The following RYR2 variants were observed in gnomAD, a reference collection of about 807,000 sequenced individuals.
The protein encoded by RYR2 is cardiac muscle ryanodine receptor-calcium release channel.
Under a neutral mutation model 601.1 loss-of-function variants are expected in RYR2, and 227 were observed. The ratio of observed to expected loss-of-function variants is 0.38; its 90% CI spans 0.34 to 0.42. The LOEUF is 0.42. Among genes scored for constraint, RYR2 ranks in the 10% least tolerant of loss-of-function variants. RYR2 has a pLI of 1.00. For synonymous variants in RYR2, 2,223 were observed against 2,175.1 expected (o/e 1.02, Z -0.61); for missense variants, 4,646 against 6,156.5 (o/e 0.75, Z 8.21).
chr1:237,141,667 G>A (rs535280855), intron 1 of RYR2, among the ~76,000 whole-genome samples: 7 of 152,214 alleles, frequency 4.6e-5, no homozygotes, highest in Non-Finnish European at 8.8e-5. Flanking sequence ...GACCTTCTGG[G>A]CGGCAGCGGG....
intron 17 of RYR2, among the ~76,000 whole-genome samples, chr1:237,487,688 G>A (rs989123691): frequency 8.6e-5 from 13 of 151,254 alleles, no homozygotes; most frequent in African/African-American, 2.4e-4. Context: ...AGCTATAATC[G>A]TGCCAATGCT....
At chr1:237,449,023 C>T (rs1345616205) in intron 14 of RYR2, among the ~76,000 whole-genome samples, 2 of 152,048 alleles carry the variant, frequency 1.3e-5, no homozygotes, top group Non-Finnish European at 2.9e-5. Flanking sequence ...GTTTTATATT[C>T]GTCCCACCTA....
rs1386022364 is a variant in RYR2 at position 237,694,284 on chromosome 1, A to G, written c.9068-4681A>G. On this transcript the variant is annotated intron_variant, in intron 63 of 104. Transcript: ENST00000366574. ...ACTCCAGCCTGGGCGACACGGCGAG[A>G]CTCCCTCTCAAAAAAAAAAAAAAAA... Among the ~76,000 whole-genome samples, 6 of 138,406 alleles carry G rather than the reference A, an allele frequency of 4.3e-5. 1 individual carries two copies. Among genetic ancestry groups the G allele is most frequent in the African/African-American group, 8.2e-5 (3 of 36,544 alleles). 90.8% of individuals were successfully genotyped at this position (138,406 alleles called of 152,430 possible). A position where few individuals can be genotyped will look rare whatever the true frequency, so the allele number is the denominator to read the frequency against.
At chr1:237,120,287 C>T (rs1358019784) in intron 1 of RYR2, among the ~76,000 whole-genome samples, 1 of 152,154 alleles carries the variant, frequency 6.6e-6, no homozygotes, top group African/African-American at 2.4e-5. Context: ...TATTAAGCAT[C>T]CCATCAAATT....
At chr1:237,465,871 T>C (rs762851345) in intron 16 of RYR2, among the ~76,000 whole-genome samples, 2 of 152,230 alleles carry the variant, frequency 1.3e-5, no homozygotes, top group Non-Finnish European at 2.9e-5. Flanking sequence ...AGTAAAAATA[T>C]AGTCTTATGG....
chr1:237,362,470 G>C (rs1699859112), intron 4 of RYR2, among the ~76,000 whole-genome samples: 1 of 152,092 alleles, frequency 6.6e-6, no homozygotes. Context: ...TTATCTTTAT[G>C]TGTTTCTTTT....
intron 1 of RYR2, among the ~76,000 whole-genome samples, chr1:237,202,596 C>T (rs1446439110): frequency 2.6e-5 from 4 of 152,120 alleles, no homozygotes; most frequent in African/African-American, 4.8e-5. Context: ...TTAGTAGAGA[C>T]GTGGTTTTGC....
At chr1:237,137,946 C>T (rs1470410405) in intron 1 of RYR2, among the ~76,000 whole-genome samples, 1 of 152,152 alleles carries the variant, frequency 6.6e-6, no homozygotes, top group African/African-American at 2.4e-5. Context: ...TAATAGATAG[C>T]CACTATCCCA....
chr1:237,688,221 G>A (rs543197157), intron 63 of RYR2, among the ~76,000 whole-genome samples: 33 of 152,290 alleles, frequency 2.2e-4, no homozygotes, highest in African/African-American at 7.9e-4. Flanking sequence ...TTTATAAACT[G>A]CCGAAGAAAA....
chr1:237,556,786 GT>G (rs1329876193), intron 27 of RYR2, among the ~76,000 whole-genome samples: 1 of 145,518 alleles, frequency 6.9e-6, no homozygotes, highest in African/African-American at 2.6e-5. Context: ...AACACAGGGG[GT>G]TTAAATCAGC....
chr1:237,059,576 C>A (rs1451616142), intron 1 of RYR2, among the ~76,000 whole-genome samples: 1 of 152,086 alleles, frequency 6.6e-6, no homozygotes, highest in African/African-American at 2.4e-5. Context: ...TGATAAGATT[C>A]TTCTGTGCCA....
chr1:237,590,689 C>G lies in RYR2; in HGVS notation c.3857C>G (p.Thr1286Ser). 6.3e-7 allele frequency: 1 copy of G among 1,587,120 alleles called. No homozygotes were observed. Among genetic ancestry groups the G allele is most frequent in the African/African-American group, 1.3e-5 (1 of 74,470 alleles). The change falls in exon 31 of 105, where the codon ACT becomes AGT. Residue 1286 changes from threonine (T) to serine (S), a missense_variant. Thr to Ser is a moderately conservative substitution (Grantham distance 58). Coordinates refer to ENST00000366574, the MANE Select transcript of RYR2 (RefSeq NM_001035.3). ...TIDSSPCLKV[T>S]QKSFGSQNSN... Reference sequence around the variant, plus strand: ...GACAGTTCCCCATGTTTAAAGGTCACTCAGAAGTCTTTTGGTTCTCAGAAC... The same window carrying G: ...GACAGTTCCCCATGTTTAAAGGTCAGTCAGAAGTCTTTTGGTTCTCAGAAC...
chr1:237,655,681 C>G, intron 52 of RYR2, 140 bp from the exon 53 acceptor site: 2 of 722,912 alleles, frequency 2.8e-6, no homozygotes, highest in Non-Finnish European at 4.3e-6. Context: ...GTTTCATTTT[C>G]TGGAAAAAGA....
intron 1 of RYR2, among the ~76,000 whole-genome samples, chr1:237,072,492 A>AT (rs11461051): frequency 0.053 from 8,050 of 152,122 alleles, 500 homozygotes; most frequent in African/African-American, 0.15. Flanking sequence ...TTCATTAGAG[A>AT]TTTTTTCTTT....
chr1:237,101,969 T>A (rs1403564378), intron 1 of RYR2, among the ~76,000 whole-genome samples: 3 of 152,244 alleles, frequency 2.0e-5, no homozygotes, highest in Non-Finnish European at 4.4e-5. Flanking sequence ...TAATGTGGCA[T>A]CAAATGAGTG....
At chr1:237,418,055 T>C (rs1404473111) in intron 11 of RYR2, among the ~76,000 whole-genome samples, 2 of 152,118 alleles carry the variant, frequency 1.3e-5, no homozygotes, top group African/African-American at 4.8e-5. Context: ...TTTATTTATT[T>C]ATTTTGAGAT....
chr1:237,570,277 C>T (rs2148284874), intron 29 of RYR2, among the ~76,000 whole-genome samples: 1 of 149,810 alleles, frequency 6.7e-6, no homozygotes, highest in South Asian at 2.1e-4. Flanking sequence ...ACTCTTCAGA[C>T]ATGCACTCCC....
intron 12 of RYR2, among the ~76,000 whole-genome samples, chr1:237,427,157 G>C (rs149950308): frequency 0.012 from 1,832 of 152,214 alleles, 49 homozygotes; most frequent in African/African-American, 0.042. Flanking sequence ...TTCATCATGC[G>C]TAATCCAGCC....
At chr1:237,229,538 G>A (rs548224629) in intron 1 of RYR2, among the ~76,000 whole-genome samples, 1 of 152,118 alleles carries the variant, frequency 6.6e-6, no homozygotes, top group Admixed American at 6.5e-5. Flanking sequence ...TGAATTCATT[G>A]GTTGGTGACC....
Sources: allele counts gnomAD v4.1 joint callset (sites outside exome capture counted in the v4.1 genomes callset), GRCh38; gene constraint gnomAD v4.1.1; transcripts MANE v1.5; gene names NCBI Gene and HGNC (gene_info 2026-07-23, HGNC 2026-07-21).